WNT9B: variants seen among roughly 807,000 people sequenced by gnomAD.
WNT9B encodes the protein protein Wnt-9b.
WNT9B carries 12 observed loss-of-function variants against 30.2 expected under a neutral mutation model. The ratio of observed to expected loss-of-function variants is 0.40; its 90% confidence interval spans 0.26 to 0.64. The LOEUF (loss-of-function observed/expected upper bound fraction) is 0.64. WNT9B is among the 30% of genes least tolerant of loss of function. The pLI is 0.42. For synonymous variants in WNT9B, 218 were observed against 216.9 expected, an observed-to-expected ratio of 1.01 and a Z score of -0.05; for missense variants, 442 against 485.2, an observed-to-expected ratio of 0.91 and a Z score of 0.84.
At chr17:46,856,621 T>C (rs942836514) in intron 1 of WNT9B, among the ~76,000 whole-genome samples, 28 of 152,048 alleles carry the variant, frequency 1.8e-4, no homozygotes, top group African/African-American at 6.7e-4. Context: ...GTAGATGGGA[T>C]GACAAGTGTG....
At chr17:46,843,450 C>G (rs1257982928) in intron 1 of WNT9B, among the ~76,000 whole-genome samples, 2 of 152,204 alleles carry the variant, frequency 1.3e-5, no homozygotes, top group Non-Finnish European at 2.9e-5. Flanking sequence ...AAAAAAATCA[C>G]TCTGCAAAAT....
chr17:46,873,763 T>C (rs977818608), intron 2 of WNT9B, among the ~76,000 whole-genome samples: 2 of 150,570 alleles, frequency 1.3e-5, no homozygotes, highest in African/African-American at 5.0e-5. Context: ...ATCCCAGCAC[T>C]TTGAGAGGCC....
downstream of WNT9B, among the ~76,000 whole-genome samples, chr17:46,883,166 T>C (rs1490339742): frequency 1.3e-4 from 19 of 151,870 alleles, no homozygotes; most frequent in Admixed American, 6.6e-5. Context: ...GTATTTTTAG[T>C]AGAGACGGGG....
chr17:46,851,614 T>C lies in WNT9B; in HGVS notation c.-25T>C. ...GAGCTTGAGCGGCGCGAGGAGATGCTAGAGGGCGCAGCGCCGCCAGCACCA... is the reference window on the plus strand; with the variant it reads ...GAGCTTGAGCGGCGCGAGGAGATGCCAGAGGGCGCAGCGCCGCCAGCACCA... On this transcript the variant is annotated 5_prime_UTR_variant, in exon 1 of 4. Coordinates refer to ENST00000290015, the MANE Select transcript of WNT9B (RefSeq NM_003396.3). This position sits in a 1 kb window ranked among gnomAD's most constrained non-coding sequence, Gnocchi z 4.3. 1 of 1,237,414 alleles carries C rather than the reference T, an allele frequency of 8.1e-7. No individual in the cohort carries two copies. The highest frequency in any genetic ancestry group is 3.0e-5 in the South Asian group (1 of 33,572). 76.7% of individuals were successfully genotyped at this position (1,237,414 alleles called of 1,614,324 possible).
At chr17:46,839,969 TTTCTTTCTC>T (rs71298795) in intron 1 of WNT9B, among the ~76,000 whole-genome samples, 29 of 141,878 alleles carry the variant, frequency 2.0e-4, no homozygotes, top group Non-Finnish European at 3.3e-4. Context: ...TCTTTCTTTC[TTTCTTTCTC>T]TTCTTTCTTT....
chr17:46,882,703 T>C (rs1266353375), downstream of WNT9B, among the ~76,000 whole-genome samples: 1 of 151,962 alleles, frequency 6.6e-6, no homozygotes, highest in Non-Finnish European at 1.5e-5. Context: ...TCACCTGGAG[T>C]TCCTTCTTGC....
At chr17:46,874,980 C>A in intron 2 of WNT9B, 121 bp from the exon 3 acceptor site, 1 of 1,474,260 alleles carries the variant, frequency 6.8e-7, no homozygotes, top group Non-Finnish European at 9.5e-7. Flanking sequence ...TCTTGTCCTG[C>A]CCATCACAGC....
chr17:46,873,625 G>A (rs112973856), intron 2 of WNT9B, among the ~76,000 whole-genome samples: 2 of 152,248 alleles, frequency 1.3e-5, no homozygotes, highest in South Asian at 2.1e-4. Context: ...TTGGGAGGCC[G>A]AAGCGGGTGG....
intron 1 of WNT9B, among the ~76,000 whole-genome samples, chr17:46,838,660 A>C (rs1046915275): frequency 2.6e-5 from 4 of 152,136 alleles, no homozygotes; most frequent in Non-Finnish European, 5.9e-5. Flanking sequence ...AATTAAAAAT[A>C]AAATTTAAAA....
At chr17:46,836,659 T>C (rs1391436754) in intron 1 of WNT9B, among the ~76,000 whole-genome samples, 3 of 152,204 alleles carry the variant, frequency 2.0e-5, no homozygotes, top group African/African-American at 7.2e-5. Context: ...GGGAAATTCA[T>C]TGATAAAATG....
At chr17:46,855,678 G>A (rs1351440278) in intron 1 of WNT9B, among the ~76,000 whole-genome samples, 1 of 152,168 alleles carries the variant, frequency 6.6e-6, no homozygotes, top group African/African-American at 2.4e-5. Flanking sequence ...CACAAGACAG[G>A]CCCAGTTACC....
chr17:46,835,058 G>T (rs1461465241), intron 1 of WNT9B, among the ~76,000 whole-genome samples: 4 of 152,066 alleles, frequency 2.6e-5, no homozygotes, highest in Non-Finnish European at 5.9e-5. Context: ...GCAGTAGTGC[G>T]ATCAGTGCTC....
chr17:46,850,497 G>A (rs568463877), upstream of WNT9B, among the ~76,000 whole-genome samples: 2 of 152,282 alleles, frequency 1.3e-5, no homozygotes, highest in South Asian at 4.1e-4. Flanking sequence ...CCACTGAAAA[G>A]CCAAGGTCGC....
chr17:46,874,924 A>G, intron 2 of WNT9B, 177 bp from the exon 3 acceptor site: 2 of 929,014 alleles, frequency 2.2e-6, no homozygotes, highest in South Asian at 1.4e-5. Context: ...TTTAAGGGGC[A>G]GTTGACAGGG....
upstream of WNT9B, among the ~76,000 whole-genome samples, chr17:46,850,110 A>C (rs2084823776): frequency 6.6e-6 from 1 of 152,192 alleles, no homozygotes; most frequent in Non-Finnish European, 1.5e-5. Flanking sequence ...TCGGCCTCCC[A>C]AAGTGCTGGG....
At chr17:46,834,492 CA>C (rs1277641499) in intron 1 of WNT9B, among the ~76,000 whole-genome samples, 1 of 152,200 alleles carries the variant, frequency 6.6e-6, no homozygotes, top group Non-Finnish European at 1.5e-5. Context: ...GGCTTTACAA[CA>C]GGGGGTACGG....
Position 46,875,161 on chromosome 17 carries a change from C to A in WNT9B, c.395C>A (p.Ala132Asp). The change falls in exon 3 of 4, where the codon GCC (alanine) becomes GAC (aspartate). Residue 132 changes from alanine to aspartate, a missense_variant. Transcript: ENST00000290015. ...VSSAALTHTLARACSAGRMER... is the reference protein window; with the variant it reads ...VSSAALTHTLDRACSAGRMER... ...TCTGCCGCCCTCACCCACACCCTGG[C>A]CCGGGCCTGCAGCGCTGGGCGCATG... 1 of 1,614,042 alleles carries A rather than the reference C, an allele frequency of 6.2e-7. No individual in the cohort carries two copies. The highest frequency in any genetic ancestry group is 8.5e-7 in the Non-Finnish European group (1 of 1,180,032).
intron 1 of WNT9B, among the ~76,000 whole-genome samples, chr17:46,854,653 G>A (rs150210864): frequency 1.2e-4 from 19 of 152,218 alleles, no homozygotes; most frequent in African/African-American, 3.9e-4. Flanking sequence ...TAGTATTGCA[G>A]TTTACAAATC....
upstream of WNT9B, among the ~76,000 whole-genome samples, chr17:46,848,588 G>A (rs950230401): frequency 8.5e-5 from 13 of 152,302 alleles, no homozygotes; most frequent in South Asian, 2.1e-4. Context: ...TTTCACTGCC[G>A]TCTCCCCCTC....
Sources: allele counts gnomAD v4.1 joint callset (sites outside exome capture counted in the v4.1 genomes callset), GRCh38; gene constraint gnomAD v4.1.1; non-coding constraint Gnocchi (gnomAD v3.1); transcripts MANE v1.5; gene names NCBI Gene and HGNC (gene_info 2026-07-23, HGNC 2026-07-21).